The following KLHL1 variants were observed in gnomAD, a reference collection of about 807,000 sequenced individuals.
KLHL1 encodes kelch-like protein 1.
In KLHL1, 47 loss-of-function variants were observed where a neutral mutation model predicts 77.7. That is an observed-to-expected ratio of 0.60 (90% CI 0.48 to 0.77). The LOEUF is 0.77. Among genes scored for constraint, KLHL1 ranks in the 30% least tolerant of loss-of-function variants. The probability of loss-of-function intolerance (pLI) is 0.00; values close to 1 mark genes in which losing one functional copy is unlikely to be tolerated. For synonymous variants in KLHL1, 360 were observed against 325.2 expected, an observed-to-expected ratio of 1.11 and a Z score of -1.15; for missense variants, 925 against 910.8, an observed-to-expected ratio of 1.02 and a Z score of -0.20.
At chr13:69,993,141 T>C (rs1885067004) in intron 1 of KLHL1, among the ~76,000 whole-genome samples, 1 of 152,002 alleles carries the variant, frequency 6.6e-6, no homozygotes, top group South Asian at 2.1e-4. Flanking sequence ...TTGACTTCAA[T>C]AGGAATAACA....
intron 6 of KLHL1, among the ~76,000 whole-genome samples, chr13:69,807,154 G>A (rs7991287): frequency 0.019 from 2,959 of 152,238 alleles, 83 homozygotes; most frequent in African/African-American, 0.067. Context: ...GCATATCTAG[G>A]ACAATACTCA....
chr13:70,064,360 G>A (rs752356767), intron 1 of KLHL1, among the ~76,000 whole-genome samples: 1 of 152,120 alleles, frequency 6.6e-6, no homozygotes, highest in Non-Finnish European at 1.5e-5. Context: ...AATCAATGAA[G>A]ATATTGTGTA....
intron 7 of KLHL1, among the ~76,000 whole-genome samples, chr13:69,782,285 A>C (rs1366475301): frequency 1.3e-5 from 2 of 152,228 alleles, no homozygotes; most frequent in African/African-American, 2.4e-5. Flanking sequence ...TACCGGGTTC[A>C]TCTCACTAGG....
intron 1 of KLHL1, among the ~76,000 whole-genome samples, chr13:70,089,610 G>A (rs1325842953): frequency 6.6e-6 from 1 of 151,806 alleles, no homozygotes; most frequent in Non-Finnish European, 1.5e-5. Flanking sequence ...TTTTATAGAT[G>A]GATAGATATT....
intron 1 of KLHL1, among the ~76,000 whole-genome samples, chr13:70,006,686 T>A (rs965065073): frequency 3.3e-5 from 5 of 151,844 alleles, no homozygotes; most frequent in African/African-American, 9.7e-5. Context: ...CATGGACATG[T>A]CGGGGTTATT....
chr13:70,103,643 T>G (rs2137457611), intron 1 of KLHL1, among the ~76,000 whole-genome samples: 1 of 152,222 alleles, frequency 6.6e-6, no homozygotes, highest in South Asian at 2.1e-4. Flanking sequence ...GGAAAGATTT[T>G]CTAAGCAAAA....
intron 7 of KLHL1, among the ~76,000 whole-genome samples, chr13:69,766,483 C>CATAT (rs905082922): frequency 2.2e-4 from 32 of 147,698 alleles, no homozygotes; most frequent in African/African-American, 6.2e-4. Context: ...TATATATATA[C>CATAT]ATATATATAT....
rs147049584 is a variant in KLHL1, at chr13:69,911,476, G to A, written c.1014+28564C>T. Among the ~76,000 whole-genome samples the A allele has an allele frequency of 1.8e-3, 269 of 150,914 alleles. 2 individuals carry two copies. The Middle Eastern group carries it at 0.021, about 12-fold the overall frequency. On this transcript the variant is annotated intron_variant, in intron 4 of 10. Transcript: ENST00000377844. ...ATTTAAGCAAGCTATTAGGGGTTAT[G>A]TTAATGGATTCTCTTTACAAATATT... is the stretch of plus-strand genomic sequence containing the variant.
intron 7 of KLHL1, among the ~76,000 whole-genome samples, chr13:69,792,605 G>A (rs913304913): frequency 6.6e-6 from 1 of 152,108 alleles, no homozygotes; most frequent in African/African-American, 2.4e-5. Flanking sequence ...ATATATAGTA[G>A]TTTAAGTCAT....
chr13:69,815,510 A>C (rs1448270223), intron 6 of KLHL1, among the ~76,000 whole-genome samples: 1 of 152,216 alleles, frequency 6.6e-6, no homozygotes, highest in African/African-American at 2.4e-5. Context: ...CACTGGGTAC[A>C]AAAGGATAGA....
At chr13:69,983,321 T>G (rs1240383463) in intron 1 of KLHL1, among the ~76,000 whole-genome samples, 1 of 152,036 alleles carries the variant, frequency 6.6e-6, no homozygotes, top group African/African-American at 2.4e-5. Flanking sequence ...ACTAATGATA[T>G]TTTTCAAATA....
At chr13:69,840,304 A>G (rs1206277350) in intron 5 of KLHL1, among the ~76,000 whole-genome samples, 3 of 151,226 alleles carry the variant, frequency 2.0e-5, no homozygotes, top group Admixed American at 1.3e-4. Context: ...GCTCACTGCA[A>G]CCTCTGCTTC....
intron 1 of KLHL1, among the ~76,000 whole-genome samples, chr13:70,083,455 T>C (rs1887442165): frequency 6.6e-6 from 1 of 152,198 alleles, no homozygotes; most frequent in Non-Finnish European, 1.5e-5. Flanking sequence ...CATAGCTCAA[T>C]GCACCTGGCC....
At chr13:69,780,696 A>G (rs1448975271) in intron 7 of KLHL1, among the ~76,000 whole-genome samples, 8 of 16,424 alleles carry the variant, frequency 4.9e-4, no homozygotes, top group Admixed American at 1.9e-3. Context: ...ATATATATAT[A>G]TATATGTATA....
chr13:70,092,281 C>A (rs1167959261), intron 1 of KLHL1, among the ~76,000 whole-genome samples: 1 of 152,088 alleles, frequency 6.6e-6, no homozygotes, highest in Non-Finnish European at 1.5e-5. Context: ...AACTATTGTA[C>A]CACCCAAAAC....
intron 9 of KLHL1, 149 bp downstream of exon 9, chr13:69,719,220 G>GCGAA: frequency 8.3e-6 from 5 of 603,638 alleles, no homozygotes; most frequent in Non-Finnish European, 1.5e-5. Flanking sequence ...GAGAGAGAGA[G>GCGAA]AGAGAGAGAG....
At chr13:70,062,915 A>G (rs914620867) in intron 1 of KLHL1, among the ~76,000 whole-genome samples, 17 of 152,322 alleles carry the variant, frequency 1.1e-4, no homozygotes, top group East Asian at 7.7e-4. Flanking sequence ...TTTCATGTTC[A>G]AAGTTACGTG....
chr13:69,970,622 C>T (rs1316086448), intron 2 of KLHL1, among the ~76,000 whole-genome samples: 1 of 152,074 alleles, frequency 6.6e-6, no homozygotes, highest in Admixed American at 6.6e-5. Flanking sequence ...CAACTGCCAC[C>T]ACCTCTCCTG....
intron 7 of KLHL1, among the ~76,000 whole-genome samples, chr13:69,780,704 ATATATATATATG>A (rs201660365): frequency 0.038 from 1,637 of 43,498 alleles, 81 homozygotes; most frequent in African/African-American, 0.1. Flanking sequence ...ATATATATGT[ATATATATATATG>A]TATATATATA....
Sources: gnomAD v4.1 joint callset for allele counts (sites outside exome capture counted in the v4.1 genomes callset) on GRCh38, gnomAD v4.1.1 for gene constraint, MANE v1.5 for transcripts, NCBI Gene and HGNC (gene_info 2026-07-23, HGNC 2026-07-21) for gene names.